Variants in MTCL3 observed in about 807,000 individuals in gnomAD.
MTCL3 encodes microtubule cross-linking factor 3.
the MTCL3 span, among the ~76,000 whole-genome samples, chr6:127,492,073 C>T: frequency 6.6e-6 from 1 of 152,232 alleles, no homozygotes; most frequent in Non-Finnish European, 1.5e-5. Context: ...TAAGTCTGGG[C>T]TGGCCTGCTC....
the MTCL3 span, among the ~76,000 whole-genome samples, chr6:127,475,135 G>A: frequency 3.9e-5 from 6 of 152,234 alleles, no homozygotes; most frequent in Non-Finnish European, 8.8e-5. The surrounding 1 kb of genome is among the most constrained non-coding windows in gnomAD (Gnocchi z 7.3). Context: ...TGGAAGAACT[G>A]GTGGGCCGAG....
chr6:127,489,983 C>T, the MTCL3 span, among the ~76,000 whole-genome samples: 1 of 152,160 alleles, frequency 6.6e-6, no homozygotes, highest in Non-Finnish European at 1.5e-5. Context: ...ACTTTCATAG[C>T]TAAAAAGGAG....
the MTCL3 span, among the ~76,000 whole-genome samples, chr6:127,499,433 G>A: frequency 5.9e-5 from 9 of 151,728 alleles, no homozygotes; most frequent in African/African-American, 2.2e-4. Context: ...AGGCCACAGA[G>A]GAAAAGGATT....
the MTCL3 span, among the ~76,000 whole-genome samples, chr6:127,511,947 T>A: frequency 6.6e-6 from 1 of 152,192 alleles, no homozygotes; most frequent in African/African-American, 2.4e-5. Context: ...ATTAGAATTT[T>A]CTTTAGAATT....
At chr6:127,480,108 A>C in the MTCL3 span, among the ~76,000 whole-genome samples, 1 of 152,234 alleles carries the variant, frequency 6.6e-6, no homozygotes. Context: ...AGAGGGGAAC[A>C]TAAAGATATG....
chr6:127,490,366 G>A, the MTCL3 span, among the ~76,000 whole-genome samples: 8 of 152,098 alleles, frequency 5.3e-5, no homozygotes, highest in African/African-American at 1.9e-4. Flanking sequence ...CCATTCTGCA[G>A]CCCATAGATC....
At chr6:127,489,979 A>T in the MTCL3 span, among the ~76,000 whole-genome samples, 34 of 152,258 alleles carry the variant, frequency 2.2e-4, no homozygotes, top group African/African-American at 7.5e-4. Flanking sequence ...TAGAACTTTC[A>T]TAGCTAAAAA....
At chr6:127,492,898 A>T in the MTCL3 span, among the ~76,000 whole-genome samples, 1 of 152,214 alleles carries the variant, frequency 6.6e-6, no homozygotes, top group Non-Finnish European at 1.5e-5. Context: ...TAAATTGCAG[A>T]TGCTGCCCTT....
the MTCL3 span, chr6:127,515,879 C>A: frequency 6.2e-7 from 1 of 1,611,734 alleles, no homozygotes; most frequent in Non-Finnish European, 8.5e-7. The surrounding 1 kb of genome is among the most constrained non-coding windows in gnomAD (Gnocchi z 4.3). Context: ...TAGCTCCCTC[C>A]ACCACCGCTG....
chr6:127,475,555 C>T, the MTCL3 span: 1 of 1,610,962 alleles, frequency 6.2e-7, no homozygotes, highest in East Asian at 2.2e-5. The surrounding 1 kb of genome is among the most constrained non-coding windows in gnomAD (Gnocchi z 7.3). Flanking sequence ...CTTGCCCAGG[C>T]GCTCGGCCTC....
At chr6:127,475,489 T>C in the MTCL3 span, 1 of 1,613,510 alleles carries the variant, frequency 6.2e-7, no homozygotes, top group Non-Finnish European at 8.5e-7. The surrounding 1 kb of genome is among the most constrained non-coding windows in gnomAD (Gnocchi z 7.3). Context: ...GTTGGCCACG[T>C]AGATGCGCGC....
chr6:127,490,941 G>T, the MTCL3 span, among the ~76,000 whole-genome samples: 1 of 152,316 alleles, frequency 6.6e-6, no homozygotes, highest in East Asian at 1.9e-4. Context: ...GAGTTGAGGG[G>T]TTCAAGACAT....
the MTCL3 span, among the ~76,000 whole-genome samples, chr6:127,513,902 C>T: frequency 6.6e-6 from 1 of 152,038 alleles, no homozygotes; most frequent in Non-Finnish European, 1.5e-5. Context: ...ACAGTGTTTG[C>T]CACAGTGCTT....
the MTCL3 span, among the ~76,000 whole-genome samples, chr6:127,474,956 A>T: frequency 6.6e-6 from 1 of 152,244 alleles, no homozygotes. Flanking sequence ...TAGCAGAGTA[A>T]CAGAGAAAAA....
the MTCL3 span, among the ~76,000 whole-genome samples, chr6:127,497,965 A>C: frequency 2.0e-5 from 3 of 152,104 alleles, no homozygotes; most frequent in Non-Finnish European, 4.4e-5. Context: ...TGTAGATCTG[A>C]ATGTAAGAGC....
chr6:127,480,805 G>C, the MTCL3 span, among the ~76,000 whole-genome samples: 1 of 152,152 alleles, frequency 6.6e-6, no homozygotes, highest in Non-Finnish European at 1.5e-5. Flanking sequence ...CATTGGAATC[G>C]TGTTATAATT....
At chr6:127,516,728 G>C in the MTCL3 span, 1 of 1,471,860 alleles carries the variant, frequency 6.8e-7, no homozygotes, top group East Asian at 2.5e-5. Flanking sequence ...AAGGAGAGAA[G>C]AAGACAACAT....
At chr6:127,473,408 A>C in the MTCL3 span, 1 of 1,493,790 alleles carries the variant, frequency 6.7e-7, no homozygotes, top group Non-Finnish European at 9.0e-7. Context: ...AGGTAAATGC[A>C]AAGACAAAGA....
chr6:127,513,838 T>G, the MTCL3 span, among the ~76,000 whole-genome samples: 1 of 152,296 alleles, frequency 6.6e-6, no homozygotes, highest in South Asian at 2.1e-4. Flanking sequence ...TAATAATCCC[T>G]ACATTGTAGG....
Sources: gnomAD v4.1 joint callset for allele counts (sites outside exome capture counted in the v4.1 genomes callset) on GRCh38, gnomAD v4.1.1 for gene constraint, Gnocchi (gnomAD v3.1) non-coding constraint, MANE v1.5 for transcripts, NCBI Gene and HGNC (gene_info 2026-07-23, HGNC 2026-07-21) for gene names.